Variants in PABPC4L observed in about 807,000 individuals in gnomAD.
The protein encoded by PABPC4L is poly(A) binding protein cytoplasmic 4 like, also known as polyadenylate-binding protein 4-like.
For synonymous variants in PABPC4L, 169 were observed against 164.1 expected (o/e 1.03, Z -0.23); for missense variants, 452 against 451.4 (o/e 1.00, Z -0.01).
At chr4:134,110,721 C>A in the PABPC4L span, among the ~76,000 whole-genome samples, 1 of 151,660 alleles carries the variant, frequency 6.6e-6, no homozygotes, top group Non-Finnish European at 1.5e-5. Context: ...CTATGCTCAA[C>A]CTCCTGTATA....
chr4:134,013,422 C>A, the PABPC4L span, among the ~76,000 whole-genome samples: 1 of 151,918 alleles, frequency 6.6e-6, no homozygotes, highest in Non-Finnish European at 1.5e-5. Context: ...GGGCAAGCTT[C>A]CACCTTCCAT....
At chr4:134,092,051 A>G in the PABPC4L span, among the ~76,000 whole-genome samples, 2 of 152,008 alleles carry the variant, frequency 1.3e-5, no homozygotes, top group East Asian at 1.9e-4. Context: ...GGAACAATTT[A>G]TGGAGCATTG....
At chr4:134,150,566 C>T in the PABPC4L span, among the ~76,000 whole-genome samples, 2 of 152,044 alleles carry the variant, frequency 1.3e-5, no homozygotes. Context: ...AAATTAGATT[C>T]CTACTTTGTG....
the PABPC4L span, among the ~76,000 whole-genome samples, chr4:134,011,383 A>G: frequency 4.6e-5 from 7 of 152,122 alleles, no homozygotes. Flanking sequence ...TTGTTATAGA[A>G]TGCTGAAAAA....
At chr4:134,157,280 G>A in the PABPC4L span, among the ~76,000 whole-genome samples, 1 of 146,490 alleles carries the variant, frequency 6.8e-6, no homozygotes, top group Non-Finnish European at 1.5e-5. Flanking sequence ...TTTTTTTTTA[G>A]TATTAAGATT....
At chr4:134,136,262 T>C in the PABPC4L span, among the ~76,000 whole-genome samples, 2 of 152,174 alleles carry the variant, frequency 1.3e-5, no homozygotes, top group African/African-American at 2.4e-5. Flanking sequence ...AGCTTGTTCA[T>C]GTTGAGCCAG....
Position 134,200,857 on chromosome 4 carries a change from A to G in PABPC4L, c.163T>C (p.Tyr55His), listed in dbSNP as rs1339506740. ...TCAGCCAGCTGCAAGAAGTTCACGT[A>G]GGCATAGCCCAGAGAGCGGCGGGTG... ...QVTRRSLGYA[Y>H]VNFLQLADAQ... Residue 55 changes from tyrosine to histidine, a missense_variant, in exon 2 of 2, where the codon TAC becomes CAC. Coordinates refer to ENST00000421491, the MANE Select transcript of PABPC4L (RefSeq NM_001114734.2). 3 of 1,571,778 alleles carry G rather than the reference A, an allele frequency of 1.9e-6. No individual in the cohort carries two copies. Among genetic ancestry groups the G allele is most frequent in the Non-Finnish European group, 1.7e-6 (2 of 1,158,120 alleles).
the PABPC4L span, among the ~76,000 whole-genome samples, chr4:134,022,326 G>A: frequency 6.6e-6 from 1 of 152,132 alleles, no homozygotes; most frequent in South Asian, 2.1e-4. Context: ...GCCGCATTCA[G>A]TTTTGATAAC....
chr4:134,188,491 T>A, the PABPC4L span, among the ~76,000 whole-genome samples: 1 of 152,282 alleles, frequency 6.6e-6, no homozygotes, highest in Non-Finnish European at 1.5e-5. Flanking sequence ...GAAGGTGTAC[T>A]GGCAACAAAT....
the PABPC4L span, among the ~76,000 whole-genome samples, chr4:133,985,783 T>C: frequency 6.6e-6 from 1 of 152,054 alleles, no homozygotes. Flanking sequence ...TCCCAAAACA[T>C]TGAAAGTATA....
At chr4:134,002,091 C>CTCCA in the PABPC4L span, among the ~76,000 whole-genome samples, 585 of 148,892 alleles carry the variant, frequency 3.9e-3, 21 homozygotes, top group South Asian at 0.064. Context: ...GTTCTCTATT[C>CTCCA]TCCAATATGT....
At chr4:134,064,944 G>C in the PABPC4L span, among the ~76,000 whole-genome samples, 1 of 151,964 alleles carries the variant, frequency 6.6e-6, no homozygotes, top group East Asian at 1.9e-4. Context: ...TTTTTTGGCT[G>C]TGTAGTATCC....
chr4:134,058,074 G>A, the PABPC4L span, among the ~76,000 whole-genome samples: 5 of 151,908 alleles, frequency 3.3e-5, no homozygotes, highest in African/African-American at 7.2e-5. Flanking sequence ...AATAAGAAAC[G>A]AAAATGTAGT....
chr4:134,141,463 T>C, the PABPC4L span, among the ~76,000 whole-genome samples: 1 of 150,244 alleles, frequency 6.7e-6, no homozygotes. Flanking sequence ...TCTTTCTATA[T>C]ATATGTAAAA....
At chr4:134,003,833 T>G in the PABPC4L span, among the ~76,000 whole-genome samples, 1 of 151,970 alleles carries the variant, frequency 6.6e-6, no homozygotes, top group Admixed American at 6.6e-5. Flanking sequence ...GTTAAACGGT[T>G]GAAAAATAGG....
chr4:134,011,763 C>T, the PABPC4L span, among the ~76,000 whole-genome samples: 3 of 151,982 alleles, frequency 2.0e-5, no homozygotes, highest in Non-Finnish European at 2.9e-5. Flanking sequence ...AGTAATTTAA[C>T]GATATGTAGA....
At chr4:134,005,859 C>T in the PABPC4L span, among the ~76,000 whole-genome samples, 1 of 151,374 alleles carries the variant, frequency 6.6e-6, no homozygotes, top group Non-Finnish European at 1.5e-5. Context: ...TGACTCAATC[C>T]AAGCAAACGA....
rs1729716753 is a variant in PABPC4L, at chr4:134,197,953, T to C, written c.*1954A>G. 1 of 151,776 alleles carries C rather than the reference T, an allele frequency of 6.6e-6. No individual in the cohort carries two copies. Among genetic ancestry groups the C allele is most frequent in the South Asian group, 2.1e-4 (1 of 4,826 alleles). The allele number at this position is 151,776 out of a possible 1,614,324, so 9.4% of individuals were successfully genotyped here. Reference sequence around the variant, plus strand: ...ACCATTAATTCTACTTCTAAACATTTTCTTAAGAAAATAGATATATTTGCA... The same window carrying C: ...ACCATTAATTCTACTTCTAAACATTCTCTTAAGAAAATAGATATATTTGCA... On this transcript the variant is annotated 3_prime_UTR_variant, in exon 2 of 2. Coordinates refer to ENST00000421491, the MANE Select transcript of PABPC4L (RefSeq NM_001114734.2).
At chr4:133,974,370 T>A in the PABPC4L span, among the ~76,000 whole-genome samples, 1 of 152,076 alleles carries the variant, frequency 6.6e-6, no homozygotes, top group Non-Finnish European at 1.5e-5. Context: ...AGATCAGAGA[T>A]GTAAATATAA....
Sources: allele counts gnomAD v4.1 joint callset (sites outside exome capture counted in the v4.1 genomes callset), GRCh38; gene constraint gnomAD v4.1.1; transcripts MANE v1.5; gene names NCBI Gene and HGNC (gene_info 2026-07-23, HGNC 2026-07-21).